Variants in LRMDA observed in about 807,000 individuals in gnomAD.
The protein encoded by LRMDA is leucine-rich melanocyte differentiation-associated protein.
In LRMDA, 18 loss-of-function variants were observed where a neutral mutation model predicts 29.8. The observed-to-expected ratio is 0.60, with a 90% CI of 0.42 to 0.90. The LOEUF (loss-of-function observed/expected upper bound fraction) is 0.90, where lower values mean the gene tolerates loss of function less well. LRMDA is among the 40% of genes least tolerant of loss of function. LRMDA has a pLI of 0.00. For synonymous variants in LRMDA, 125 were observed against 109.4 expected, an observed-to-expected ratio of 1.14 and a Z score of -0.89; for missense variants, 273 against 273.9, an observed-to-expected ratio of 1.00 and a Z score of 0.02.
intron 2 of LRMDA, among the ~76,000 whole-genome samples, chr10:75,805,884 GTTGTGTTAGGCCATTCTT>G (rs912000234): frequency 1.3e-5 from 2 of 152,142 alleles, no homozygotes; most frequent in African/African-American, 4.8e-5. Context: ...ATAATTAGGG[GTTGTGTTAGGCCATTCTT>G]GCCTTGCTCT....
intron 2 of LRMDA, among the ~76,000 whole-genome samples, chr10:75,898,412 T>C (rs916905890): frequency 8.5e-5 from 13 of 152,168 alleles, no homozygotes; most frequent in African/African-American, 2.9e-4. Context: ...TCCCAGCATT[T>C]GACACTGCTG....
chr10:75,549,876 A>G (rs898985595), intron 2 of LRMDA, among the ~76,000 whole-genome samples: 3 of 152,096 alleles, frequency 2.0e-5, no homozygotes, highest in Admixed American at 1.3e-4. Flanking sequence ...GAATGTCATA[A>G]AAATGGAATC....
At chr10:76,013,897 C>A (rs1033012440) in intron 2 of LRMDA, among the ~76,000 whole-genome samples, 1 of 151,322 alleles carries the variant, frequency 6.6e-6, no homozygotes, top group East Asian at 2.0e-4. Flanking sequence ...CAGACACCTG[C>A]AACTCTATTC....
chr10:76,088,496 G>A (rs572877417), intron 5 of LRMDA, among the ~76,000 whole-genome samples: 1 of 152,324 alleles, frequency 6.6e-6, no homozygotes, highest in South Asian at 2.1e-4. Context: ...TAAACAGGAA[G>A]GCCCCAAGGG....
In LRMDA at chr10:76,173,778, A is replaced by G. The variant is rs567061805; in HGVS notation, c.516+114995A>G. 6.4e-4 allele frequency among the ~76,000 whole-genome samples: 97 copies of G among 152,136 alleles called. 1 individual carries two copies. Among genetic ancestry groups the G allele is most frequent in the Non-Finnish European group, 1.0e-3 (69 of 68,020 alleles). ...TGGGTTCAAGCAATTCTCCTGCCTCAGCCTCCCGAGTAGCTGGGACTACAG... is the reference window on the plus strand; with the variant it reads ...TGGGTTCAAGCAATTCTCCTGCCTCGGCCTCCCGAGTAGCTGGGACTACAG... On this transcript the variant is annotated intron_variant, in intron 5 of 6. Transcript: ENST00000611255.
At chr10:75,994,250 A>G (rs77723242) in intron 2 of LRMDA, among the ~76,000 whole-genome samples, 412 of 152,340 alleles carry the variant, frequency 2.7e-3, no homozygotes, top group Non-Finnish European at 4.6e-3. Context: ...TTATATATCC[A>G]AGCTAACCTG....
chr10:75,772,390 G>A (rs1843252185), intron 2 of LRMDA, among the ~76,000 whole-genome samples: 1 of 152,162 alleles, frequency 6.6e-6, no homozygotes, highest in Non-Finnish European at 1.5e-5. Flanking sequence ...TGTAATTTGA[G>A]CATTTCTCTG....
chr10:76,453,800 T>TC (rs1354342676), intron 6 of LRMDA, among the ~76,000 whole-genome samples: 1 of 152,236 alleles, frequency 6.6e-6, no homozygotes, highest in Non-Finnish European at 1.5e-5. Flanking sequence ...TGATTAGGGT[T>TC]CTAATGTTCA....
intron 5 of LRMDA, among the ~76,000 whole-genome samples, chr10:76,201,560 T>C (rs560484105): frequency 1.7e-4 from 26 of 152,352 alleles, no homozygotes; most frequent in African/African-American, 6.0e-4. Context: ...AATGCCATAA[T>C]TGTTATAGTG....
At chr10:75,807,486 T>C (rs1408793101) in intron 2 of LRMDA, among the ~76,000 whole-genome samples, 1 of 152,244 alleles carries the variant, frequency 6.6e-6, no homozygotes, top group Non-Finnish European at 1.5e-5. Context: ...TTTCTGTTCT[T>C]TTCTGTCTTC....
intron 5 of LRMDA, among the ~76,000 whole-genome samples, chr10:76,168,107 C>T (rs1201658535): frequency 2.0e-5 from 3 of 152,164 alleles, no homozygotes; most frequent in African/African-American, 4.8e-5. Flanking sequence ...AATAATCCAC[C>T]TGCTTTATAA....
intron 2 of LRMDA, among the ~76,000 whole-genome samples, chr10:75,793,868 C>T (rs1305653714): frequency 6.6e-6 from 1 of 152,216 alleles, no homozygotes; most frequent in Non-Finnish European, 1.5e-5. Flanking sequence ...CAGGGGTCAG[C>T]ACACTTTTTC....
chr10:75,802,787 G>T (rs1473015898), intron 2 of LRMDA, among the ~76,000 whole-genome samples: 2 of 151,864 alleles, frequency 1.3e-5, no homozygotes, highest in Non-Finnish European at 2.9e-5. Flanking sequence ...TGTCTTAAGG[G>T]TTCTCTATAA....
At chr10:76,209,457 T>G in intron 5 of LRMDA, among the ~76,000 whole-genome samples, 1 of 152,148 alleles carries the variant, frequency 6.6e-6, no homozygotes, top group East Asian at 1.9e-4. Flanking sequence ...TTTTCTTCTC[T>G]CTCTGGATTG....
At chr10:75,632,582 C>G (rs771214145) in intron 2 of LRMDA, among the ~76,000 whole-genome samples, 1 of 151,920 alleles carries the variant, frequency 6.6e-6, no homozygotes, top group Non-Finnish European at 1.5e-5. Context: ...CTCTCAGACT[C>G]TCACCTGAGT....
At chr10:76,187,396 T>G (rs1034054881) in intron 5 of LRMDA, among the ~76,000 whole-genome samples, 4 of 152,158 alleles carry the variant, frequency 2.6e-5, no homozygotes, top group Non-Finnish European at 4.4e-5. Flanking sequence ...TCCTTTCCCT[T>G]GTATCAGGGA....
chr10:75,648,020 G>A (rs1327513466), intron 2 of LRMDA, among the ~76,000 whole-genome samples: 1 of 144,928 alleles, frequency 6.9e-6, no homozygotes, highest in African/African-American at 2.8e-5. Context: ...TCTCAGAAAG[G>A]GAGCACAACT....
intron 5 of LRMDA, among the ~76,000 whole-genome samples, chr10:76,124,111 C>T (rs187298867): frequency 6.6e-6 from 1 of 152,330 alleles, no homozygotes; most frequent in Admixed American, 6.5e-5. Context: ...CTAGGCCCAA[C>T]CATGACTCTC....
intron 6 of LRMDA, among the ~76,000 whole-genome samples, chr10:76,524,703 T>C (rs1178813313): frequency 6.6e-6 from 1 of 152,206 alleles, no homozygotes; most frequent in Non-Finnish European, 1.5e-5. Context: ...TTAATTACTT[T>C]TCAAGTCAAT....
Sources: allele counts gnomAD v4.1 joint callset (sites outside exome capture counted in the v4.1 genomes callset), GRCh38; gene constraint gnomAD v4.1.1; transcripts MANE v1.5; gene names NCBI Gene and HGNC (gene_info 2026-07-23, HGNC 2026-07-21).